The following JAK3 variants were observed in gnomAD, a reference collection of about 807,000 sequenced individuals.
The protein encoded by JAK3 is Janus kinase 3, also known as tyrosine-protein kinase JAK3.
A neutral mutation model predicts 120.8 loss-of-function variants in JAK3; 88 were observed. The observed-to-expected ratio is 0.73, with a 90% CI of 0.61 to 0.87. The LOEUF (loss-of-function observed/expected upper bound fraction) is 0.87, where lower values mean the gene tolerates loss of function less well. Ranked by LOEUF, JAK3 falls within the 40% of genes least tolerant of loss-of-function variation. The pLI is 0.00. For missense variants in JAK3, 1,254 were observed against 1,501.4 expected, an observed-to-expected ratio of 0.84 and a Z score of 2.72; for synonymous variants, 592 against 628.6, an observed-to-expected ratio of 0.94 and a Z score of 0.87.
At chr19:17,845,493 A>G (rs1442945606) in intron 1 of JAK3, among the ~76,000 whole-genome samples, 1 of 152,098 alleles carries the variant, frequency 6.6e-6, no homozygotes, top group East Asian at 1.9e-4. Context: ...CAATATAGTG[A>G]GACCTCCTCT....
chr19:17,837,394 C>G (rs1457406895), intron 12 of JAK3, among the ~76,000 whole-genome samples, 181 bp from the exon 13 acceptor site: 2 of 152,070 alleles, frequency 1.3e-5, no homozygotes, highest in African/African-American at 2.4e-5. Flanking sequence ...GAAGTTCCCA[C>G]TATCATCTAT....
rs1479562469 is a variant in JAK3, at chr19:17,832,544, C to T, written c.2655G>A (p.Lys885=). 9 of 1,614,128 alleles carry T rather than the reference C, an allele frequency of 5.6e-6. No individual in the cohort carries two copies. The highest frequency in any genetic ancestry group is 8.5e-7 in the Non-Finnish European group (1 of 1,180,062). The change falls in exon 19 of 24, where the codon AAG becomes AAA. Residue 885 remains lysine, a synonymous_variant. Coordinates refer to ENST00000458235, the MANE Select transcript of JAK3 (RefSeq NM_000215.4). The surrounding 1 kb of genome is among the most constrained non-coding windows in gnomAD (Gnocchi z 4.7). ...LKALHSDFIV[K]YRGVSYGPGR... is the part of the protein sequence containing the mutation. ...CCGGGCCATAGCTGACACCACGATACTTGACAATGAAATCACTGTGCAGTG... is the reference window on the plus strand; with the variant it reads ...CCGGGCCATAGCTGACACCACGATATTTGACAATGAAATCACTGTGCAGTG...
chr19:17,829,857 G>A, intron 23 of JAK3: 1 of 596,074 alleles, frequency 1.7e-6, no homozygotes, highest in Admixed American at 2.8e-5. Context: ...AGGCACAGGT[G>A]TTCAGGAGTC....
At position 17,832,813 on chromosome 19, in the gene JAK3, T is replaced by G; in HGVS notation, c.2467A>C (p.Lys823Gln). 6.2e-7 allele frequency: 1 copy of G among 1,614,236 alleles called. No individual in the cohort carries two copies. Among genetic ancestry groups the G allele is most frequent in the Non-Finnish European group, 8.5e-7 (1 of 1,180,034 alleles). The change falls in exon 18 of 24, where the codon AAG becomes CAG. Residue 823 changes from lysine to glutamine, a missense_variant. Physicochemically the swap from Lys to Gln is moderately conservative, Grantham distance 53. This residue lies in a region of JAK3 where 630 missense variants were observed against 819.8 expected (regional missense o/e 0.77). Coordinates refer to ENST00000458235, the MANE Select transcript of JAK3 (RefSeq NM_000215.4). This position sits in a 1 kb window ranked among gnomAD's most constrained non-coding sequence, Gnocchi z 4.7. ...DPTIFEERHLKYISQLGKGNF... is the reference protein window; with the variant it reads ...DPTIFEERHLQYISQLGKGNF... ...ACCTTGCCCAGCTGTGAGATGTACTTGAGGTGTCTCTCCTCGAAGATCGTG... is the reference window on the plus strand; with the variant it reads ...ACCTTGCCCAGCTGTGAGATGTACTGGAGGTGTCTCTCCTCGAAGATCGTG...
chr19:17,832,455 G>A lies in JAK3; in HGVS notation c.2680+64C>T. 2 of 1,537,512 alleles carry A rather than the reference G, an allele frequency of 1.3e-6. No homozygotes were observed. The highest frequency in any genetic ancestry group is 1.1e-5 in the South Asian group (1 of 89,470). ...CTACCTAAAGTGGCCTGGCAGGAGG[G>A]TAAGAATGTGCACTTTGAAAAGCAC... On this transcript the variant is annotated intron_variant, in intron 19 of 23. Coordinates refer to ENST00000458235, the MANE Select transcript of JAK3 (RefSeq NM_000215.4). This position sits in a 1 kb window ranked among gnomAD's most constrained non-coding sequence, Gnocchi z 4.7.
At chr19:17,833,696 AC>A (rs1264123805) in intron 17 of JAK3, among the ~76,000 whole-genome samples, 1 of 151,986 alleles carries the variant, frequency 6.6e-6, no homozygotes, top group African/African-American at 2.4e-5. Context: ...ACTAAAAAAT[AC>A]AAAAATTTAG....
At position 17,841,708 on chromosome 19, in the gene JAK3, C is replaced by G. The variant is rs763102720; in HGVS notation, c.916G>C (p.Ala306Pro). ...TCTCCGGCCGGGCCAACGCGCGGGG[C>G]CTGCTTGATGCTAATGTCTACGATT... ...PEIVDISIKQAPRVGPAGEHR... is the reference protein window; with the variant it reads ...PEIVDISIKQPPRVGPAGEHR... Residue 306 changes from alanine (A) to proline (P), a missense_variant, in exon 7 of 24, where the codon GCC becomes CCC. Ala to Pro is a conservative substitution (Grantham distance 27). Transcript: ENST00000458235. This position sits in a 1 kb window ranked among gnomAD's most constrained non-coding sequence, Gnocchi z 4.1. 3 of 1,613,130 alleles carry G rather than the reference C, an allele frequency of 1.9e-6. No individual in the cohort carries two copies. The highest frequency in any genetic ancestry group is 2.7e-5 in the African/African-American group (2 of 74,876).
In JAK3 at chr19:17,830,571, C is replaced by G. The variant is rs1443520204; in HGVS notation, c.3028G>C (p.Val1010Leu). 3.7e-6 allele frequency: 6 copies of G among 1,613,552 alleles called. No individual in the cohort carries two copies. The South Asian group carries it at 6.6e-5, about 18-fold the overall frequency. Residue 1010 changes from valine (V) to leucine (L), a missense_variant, in exon 22 of 24, where the codon GTC (valine) becomes CTC (leucine). Val to Leu is a conservative substitution (Grantham distance 32). Coordinates refer to ENST00000458235, the MANE Select transcript of JAK3 (RefSeq NM_000215.4). ...SDNIFSRQSD[V>L]WSFGVVLYEL... is the part of the protein sequence containing the mutation. ...TACAGGACGACCCCGAAGCTCCAGA[C>G]GTCTGACTGGCGAGAGAAGATGTTG...
Position 17,843,373 on chromosome 19 carries a change from AC to A in JAK3, c.420+6del. On this transcript the variant is annotated splice_donor_region_variant and intron_variant, in intron 4 of 23. Coordinates refer to ENST00000458235, the MANE Select transcript of JAK3 (RefSeq NM_000215.4). The surrounding 1 kb of genome is among the most constrained non-coding windows in gnomAD (Gnocchi z 5.4). ...CCCCCTGGGTCAAACCCCAGGCAGA[AC>A]CCCACCTGGGCAAAGAGGTGCTCCA... 1 of 1,575,550 alleles carries A rather than the reference AC, an allele frequency of 6.3e-7. No homozygotes were observed. The highest frequency in any genetic ancestry group is 8.6e-7 in the Non-Finnish European group (1 of 1,158,148).
At position 17,841,999 on chromosome 19, in the gene JAK3, A is replaced by G. The variant is rs540252374; in HGVS notation, c.862-237T>C. ...TCTCTCTGCCGGACCCCGCCCCTTGATCCCTGCCCCGCTTCGCAGCCTCCC... is the reference window on the plus strand; with the variant it reads ...TCTCTCTGCCGGACCCCGCCCCTTGGTCCCTGCCCCGCTTCGCAGCCTCCC... On this transcript the variant is annotated intron_variant, in intron 6 of 23. Coordinates refer to ENST00000458235, the MANE Select transcript of JAK3 (RefSeq NM_000215.4). This position sits in a 1 kb window ranked among gnomAD's most constrained non-coding sequence, Gnocchi z 4.1. Among the ~76,000 whole-genome samples, 25 of 146,798 alleles carry G rather than the reference A, an allele frequency of 1.7e-4. No homozygotes were observed. The highest frequency in any genetic ancestry group is 5.4e-4 in the Admixed American group (8 of 14,864).
rs1366918088 is a variant in JAK3 at position 17,826,899 on chromosome 19, G to A, written c.3219C>T (p.Leu1073=). ...PPACPAEVHE[L]MKLCWAPSPQ... Reference sequence around the variant, plus strand: ...GGCTAGGGGCCCAGCACAGCTTCATGAGCTCGTGAACCTGAGGGGCGGGGG... The same window carrying A: ...GGCTAGGGGCCCAGCACAGCTTCATAAGCTCGTGAACCTGAGGGGCGGGGG... The change falls in exon 24 of 24, where the codon CTC becomes CTT. Residue 1073 remains leucine, a synonymous_variant. Transcript: ENST00000458235. 8 of 1,610,562 alleles carry A rather than the reference G, an allele frequency of 5.0e-6. No individual in the cohort carries two copies. Among genetic ancestry groups the A allele is most frequent in the Admixed American group, 1.7e-5 (1 of 59,984 alleles).
Position 17,832,805 on chromosome 19 carries a change from G to C in JAK3, c.2475C>G (p.Ile825Met), listed in dbSNP as rs1459489474. 14 of 1,614,156 alleles carry C rather than the reference G, an allele frequency of 8.7e-6. No homozygotes were observed. The highest frequency in any genetic ancestry group is 1.0e-5 in the Non-Finnish European group (12 of 1,180,052). ...TIFEERHLKY[I>M]SQLGKGNFGS... ...CCCACCTTACCTTGCCCAGCTGTGA[G>C]ATGTACTTGAGGTGTCTCTCCTCGA... The change falls in exon 18 of 24, where the codon ATC (isoleucine) becomes ATG (methionine). Residue 825 changes from isoleucine (I) to methionine (M), a missense_variant. By Grantham distance (10) the Ile-to-Met change is conservative (BLOSUM62 1). Coordinates refer to ENST00000458235, the MANE Select transcript of JAK3 (RefSeq NM_000215.4). The surrounding 1 kb of genome is among the most constrained non-coding windows in gnomAD (Gnocchi z 4.7).
rs73020668 is a variant in JAK3, at chr19:17,831,603, G to A, written c.2805+71C>T. On this transcript the variant is annotated intron_variant, in intron 20 of 23. Coordinates refer to ENST00000458235, the MANE Select transcript of JAK3 (RefSeq NM_000215.4). The surrounding 1 kb of genome is among the most constrained non-coding windows in gnomAD (Gnocchi z 5.1). ...CAAACCACTCCTCAGCCTTCACCGC[G>A]ACCTCCAAGCAGACCCCTGCCCAGG... The A allele has an allele frequency of 0.014, 21,727 of 1,554,792 alleles. 156 individuals are homozygous for A. Among genetic ancestry groups the A allele is most frequent in the Non-Finnish European group, 0.015 (17,429 of 1,152,004 alleles).
intron 22 of JAK3, 50 bp downstream of exon 22, chr19:17,830,453 G>T: frequency 6.9e-7 from 1 of 1,450,724 alleles, no homozygotes. Flanking sequence ...GATTGGCCAC[G>T]AGGGGCGTGG....
chr19:17,827,717 TAAAAAAAAAAAAAAAAAAAAAAA>T (rs760856974), intron 23 of JAK3, among the ~76,000 whole-genome samples: 120 of 77,682 alleles, frequency 1.5e-3, no homozygotes, highest in African/African-American at 6.2e-3. Context: ...CCATCTTAAC[TAAAAAAAAAAAAAAAAAAAAAAA>T]AAAAAAAAAA....
chr19:17,842,268 AGCCCCGCCCCCACGTTG>A lies in JAK3; in HGVS notation c.861+31_861+47del, dbSNP rs772138679. The A allele has an allele frequency of 3.1e-5, 29 of 949,138 alleles. 1 individual carries two copies. In the South Asian group the frequency reaches 4.7e-4, roughly 15 times the overall value. 58.8% of individuals were successfully genotyped at this position (949,138 alleles called of 1,614,324 possible). A position where few individuals can be genotyped will look rare whatever the true frequency, so the allele number is the denominator to read the frequency against. On this transcript the variant is annotated intron_variant, in intron 6 of 23. Transcript: ENST00000458235. The surrounding 1 kb of genome is among the most constrained non-coding windows in gnomAD (Gnocchi z 6.4). ...CCTACCACTCTCCGGCCCCTCCCCGAGCCCCGCCCCCACGTTGGCCCCGCCCAGCGGGGGAGTCCGCC... is the reference window on the plus strand; with the variant it reads ...CCTACCACTCTCCGGCCCCTCCCCGAGCCCCGCCCAGCGGGGGAGTCCGCC...
chr19:17,834,520 G>C (rs577574934), intron 17 of JAK3, 51 bp downstream of exon 17: 1 of 1,609,932 alleles, frequency 6.2e-7, no homozygotes, highest in Non-Finnish European at 8.5e-7. Context: ...CCTTCCACTG[G>C]GCCCAATATG....
intron 2 of JAK3, 112 bp downstream of exon 2, chr19:17,844,122 C>A: frequency 7.7e-7 from 1 of 1,304,534 alleles, no homozygotes. Context: ...TACTCATCCC[C>A]CAAAGCCCCA....
chr19:17,841,794 C>T lies in JAK3; in HGVS notation c.862-32G>A. On this transcript the variant is annotated intron_variant, in intron 6 of 23. Coordinates refer to ENST00000458235, the MANE Select transcript of JAK3 (RefSeq NM_000215.4). This position sits in a 1 kb window ranked among gnomAD's most constrained non-coding sequence, Gnocchi z 4.1. ...AGGAGGGGGAGTACCGAAGTGGGGG[C>T]CCAGCTGGACCCCGCCAAACCACGC... 3 of 1,599,180 alleles carry T rather than the reference C, an allele frequency of 1.9e-6. No homozygotes were observed. Among genetic ancestry groups the T allele is most frequent in the Non-Finnish European group, 2.5e-6 (3 of 1,179,686 alleles).
Sources: gnomAD v4.1 joint callset for allele counts (sites outside exome capture counted in the v4.1 genomes callset) on GRCh38, gnomAD v4.1.1 for gene constraint, gnomAD v4.1.1 regional missense constraint, Gnocchi (gnomAD v3.1) non-coding constraint, MANE v1.5 for transcripts, NCBI Gene and HGNC (gene_info 2026-07-23, HGNC 2026-07-21) for gene names.